The following TSKS variants were observed in gnomAD, a reference collection of about 807,000 sequenced individuals.
The protein encoded by TSKS is testis-specific serine kinase substrate.
A neutral mutation model predicts 68.0 loss-of-function variants in TSKS; 27 were observed. The observed-to-expected ratio is 0.40, with a 90% confidence interval of 0.29 to 0.55. The LOEUF is 0.55. Among genes scored for constraint, TSKS ranks in the 20% least tolerant of loss-of-function variants. The probability of loss-of-function intolerance (pLI) is 0.53; values close to 1 mark genes in which losing one functional copy is unlikely to be tolerated. For synonymous variants in TSKS, 331 were observed against 340.4 expected, an observed-to-expected ratio of 0.97 and a Z score of 0.30; for missense variants, 806 against 776.0, an observed-to-expected ratio of 1.04 and a Z score of -0.46.
At chr19:49,758,245 C>G (rs1014154574) in intron 2 of TSKS, among the ~76,000 whole-genome samples, 3 of 152,158 alleles carry the variant, frequency 2.0e-5, no homozygotes, top group African/African-American at 4.8e-5. Context: ...CTCTGCCTGT[C>G]CCCGCCTTCT....
At chr19:49,762,947 G>T in intron 1 of TSKS, 131 bp downstream of exon 1, 2 of 1,147,332 alleles carry the variant, frequency 1.7e-6, no homozygotes, top group Non-Finnish European at 2.4e-6. Flanking sequence ...CTTCACTGCT[G>T]CCCTCTTTCC....
rs2084236252 is a variant in TSKS, at chr19:49,739,837, A to G, written c.1718T>C (p.Met573Thr). 3.1e-6 allele frequency: 5 copies of G among 1,613,294 alleles called. No individual in the cohort carries two copies. The highest frequency in any genetic ancestry group is 2.2e-5 in the East Asian group (1 of 44,850). The change falls in exon 11 of 11, where the codon ATG (methionine) becomes ACG (threonine). Residue 573 changes from methionine (M) to threonine (T), a missense_variant. By Grantham distance (81) the Met-to-Thr change is moderately conservative. Transcript: ENST00000246801. ...GGTTCCTGCACTGCTGCCTCCCCCC[A>G]TTGTTCCCGTGGACCCCTCAAGTGG... ...NLPLEGSTGTMGGGSSAGTPP... is the reference protein window; with the variant it reads ...NLPLEGSTGTTGGGSSAGTPP...
At chr19:49,744,147 C>G (rs957052144) in intron 8 of TSKS, 84 bp downstream of exon 8, 1 of 1,441,428 alleles carries the variant, frequency 6.9e-7, no homozygotes, top group African/African-American at 1.4e-5. Context: ...CAGCGCCCCA[C>G]CCTTCACTAA....
Position 49,743,205 on chromosome 19 carries a change from A to G in TSKS, c.1361+1026T>C, listed in dbSNP as rs567660384. ...GAGATTCTTTGGCCTCAGCCTCCCA[A>G]GTAGCTGGGATTACAGGTGCTCACC... On this transcript the variant is annotated intron_variant, in intron 8 of 10. Coordinates refer to ENST00000246801, the MANE Select transcript of TSKS (RefSeq NM_021733.2). 6.7e-4 allele frequency among the ~76,000 whole-genome samples: 102 copies of G among 151,496 alleles called. 1 individual carries two copies. The South Asian group carries it at 0.02, about 30-fold the overall frequency.
In TSKS at chr19:49,744,276, A is replaced by G. The variant is rs1315830129; in HGVS notation, c.1316T>C (p.Met439Thr). The G allele has an allele frequency of 1.2e-5, 19 of 1,614,002 alleles. No individual in the cohort carries two copies. In the East Asian group the frequency reaches 4.0e-4, roughly 34 times the overall value. ...GCCTTGGTGGGACCGATCCAGGTTC[A>G]TGGAGAGGTCAGGCCCTCTTCGAGA... is the stretch of plus-strand genomic sequence containing the variant. ...QNSRRGPDLS[M>T]NLDRSHQGNC... The change falls in exon 8 of 11, where the codon ATG becomes ACG. Residue 439 changes from methionine (M) to threonine (T), a missense_variant. Transcript: ENST00000246801.
chr19:49,741,808 C>G, intron 9 of TSKS, 77 bp downstream of exon 9: 1 of 1,599,366 alleles, frequency 6.3e-7, no homozygotes, highest in African/African-American at 1.3e-5. Flanking sequence ...CCAGCAGTAC[C>G]CTTGAGTCCG....
Position 49,739,771 on chromosome 19 carries a change from G to C in TSKS, c.*5C>G. ...GACAGAATTCATGCTAGCATGAGAGGCCATTTATTGTTCAGGGGCTGAGCC... is the reference window on the plus strand; with the variant it reads ...GACAGAATTCATGCTAGCATGAGAGCCCATTTATTGTTCAGGGGCTGAGCC... On this transcript the variant is annotated 3_prime_UTR_variant, in exon 11 of 11. Coordinates refer to ENST00000246801, the MANE Select transcript of TSKS (RefSeq NM_021733.2). 1 of 1,269,308 alleles carries C rather than the reference G, an allele frequency of 7.9e-7. No individual in the cohort carries two copies. The allele number at this position is 1,269,308 out of a possible 1,614,324, so 78.6% of individuals were successfully genotyped here. A position where few individuals can be genotyped will look rare whatever the true frequency, so the allele number is the denominator to read the frequency against.
Position 49,740,178 on chromosome 19 carries a change from C to T in TSKS, c.1503G>A (p.Leu501=), listed in dbSNP as rs1354949184. The T allele has an allele frequency of 6.2e-6, 10 of 1,612,242 alleles. No individual in the cohort carries two copies. In the African/African-American group the frequency reaches 8.0e-5, roughly 13 times the overall value. ...CGTGTTTGGCTAAGGCCTGGCGCTC[C>T]AGCTCCTGGGGAGAGGAGCGTAGGC... ...CQRLHKKILE[L]ERQALAKHVR... The change falls in exon 10 of 11, where the codon CTG becomes CTA. Residue 501 remains leucine, a synonymous_variant. Transcript: ENST00000246801.
At chr19:49,745,601 C>G (rs2084291910) in intron 6 of TSKS, among the ~76,000 whole-genome samples, 1 of 152,078 alleles carries the variant, frequency 6.6e-6, no homozygotes, top group South Asian at 2.1e-4. Context: ...GCCTTTATCC[C>G]CTTCCTTTAT....
intron 4 of TSKS, 59 bp from the exon 5 acceptor site, chr19:49,747,531 C>T (rs1350385882): frequency 1.9e-6 from 3 of 1,564,216 alleles, no homozygotes; most frequent in East Asian, 2.2e-5. Context: ...CCTCCCAACC[C>T]TTAGCCTGTC....
At chr19:49,758,106 C>T (rs535114320) in intron 2 of TSKS, among the ~76,000 whole-genome samples, 1 of 150,556 alleles carries the variant, frequency 6.6e-6, no homozygotes, top group South Asian at 2.1e-4. Flanking sequence ...CTCTCTTGGT[C>T]TCTGTCCCCC....
Position 49,763,182 on chromosome 19 carries a change from G to C in TSKS, c.66C>G (p.Pro22=), listed in dbSNP as rs1413487611. The stretch of plus-strand genomic sequence containing the variant: ...GCTGGGAGCAGCTCTCCACCCCCGT[G>C]GGGGTGTCCCCGGCCTCATGGATCT... ...SKEIHEAGDT[P]TGVESCSQLV... is the part of the protein sequence containing the mutation. Residue 22 remains proline, a synonymous_variant, in exon 1 of 11, where the codon CCC becomes CCG. Coordinates refer to ENST00000246801, the MANE Select transcript of TSKS (RefSeq NM_021733.2). The surrounding 1 kb of genome is among the most constrained non-coding windows in gnomAD (Gnocchi z 4.5). 1 of 1,597,176 alleles carries C rather than the reference G, an allele frequency of 6.3e-7. No homozygotes were observed. Among genetic ancestry groups the C allele is most frequent in the Non-Finnish European group, 8.5e-7 (1 of 1,171,878 alleles).
intron 1 of TSKS, among the ~76,000 whole-genome samples, 193 bp from the exon 2 acceptor site, chr19:49,762,425 CTTTTT>C (rs34463626): frequency 2.2e-4 from 28 of 127,208 alleles, no homozygotes; most frequent in Non-Finnish European, 3.1e-4. Context: ...TTCTTTCTTT[CTTTTT>C]TTTTTTTTTT....
chr19:49,741,936 C>T lies in TSKS; in HGVS notation c.1446G>A (p.Arg482=). 2.5e-6 allele frequency: 4 copies of T among 1,614,210 alleles called. No homozygotes were observed. The highest frequency in any genetic ancestry group is 3.4e-6 in the Non-Finnish European group (4 of 1,180,050). Residue 482 remains arginine (R), a synonymous_variant, in exon 9 of 11, where the codon AGG becomes AGA. Transcript: ENST00000246801. ...AGCTGGGACAGGCAGGAGTCAGGCC[C>T]CTCTGCTTCACCTCGTCCACTAGTG... ...LTSLVDEVKQ[R]GLTPACPSCQ...
At chr19:49,755,635 A>C (rs1053932176) in intron 2 of TSKS, among the ~76,000 whole-genome samples, 6 of 152,140 alleles carry the variant, frequency 3.9e-5, no homozygotes, top group African/African-American at 7.2e-5. Context: ...GTTTGAGACC[A>C]GCCTGGGCAA....
intron 9 of TSKS, 62 bp from the exon 10 acceptor site, chr19:49,740,245 C>T (rs895891686): frequency 6.4e-7 from 1 of 1,560,674 alleles, no homozygotes; most frequent in Non-Finnish European, 8.6e-7. Context: ...GGAGGGGGAA[C>T]TGGATTGCGG....
At chr19:49,744,203 C>A in intron 8 of TSKS, 28 bp downstream of exon 8, 1 of 1,602,362 alleles carries the variant, frequency 6.2e-7, no homozygotes. Context: ...ATCCACAAGG[C>A]TCCCAGAGGC....
Position 49,745,364 on chromosome 19 carries a change from T to C in TSKS, c.1025A>G (p.His342Arg). 1.3e-6 allele frequency: 2 copies of C among 1,588,234 alleles called. No individual in the cohort carries two copies. The highest frequency in any genetic ancestry group is 1.7e-6 in the Non-Finnish European group (2 of 1,171,542). ...TTCCTGCACCGCCCCCTCCTCCTGA[T>C]GCCACCGGGCGGTCAGTGAGGACAC... The part of the protein sequence containing the change: ...REVSSLTARW[H>R]QEEGAVQEAL... Residue 342 changes from histidine to arginine, a missense_variant, in exon 7 of 11, where the codon CAT (histidine) becomes CGT (arginine). His to Arg is a conservative substitution (Grantham distance 29, BLOSUM62 0). Coordinates refer to ENST00000246801, the MANE Select transcript of TSKS (RefSeq NM_021733.2).
At chr19:49,739,992 G>C in intron 10 of TSKS, 60 bp from the exon 11 acceptor site, 1 of 1,610,324 alleles carries the variant, frequency 6.2e-7, no homozygotes, top group Non-Finnish European at 8.5e-7. Flanking sequence ...TGTTGGAGTG[G>C]AAGGGGAGAT....
Sources: gnomAD v4.1 joint callset for allele counts (sites outside exome capture counted in the v4.1 genomes callset) on GRCh38, gnomAD v4.1.1 for gene constraint, Gnocchi (gnomAD v3.1) non-coding constraint, MANE v1.5 for transcripts, NCBI Gene and HGNC (gene_info 2026-07-23, HGNC 2026-07-21) for gene names.